Variants in SUFU observed in about 807,000 individuals in gnomAD.
SUFU encodes the protein SUFU negative regulator of hedgehog signaling.
A neutral mutation model predicts 58.9 loss-of-function variants in SUFU; 7 were observed. That is an observed-to-expected ratio of 0.12 (90% CI 0.07 to 0.22). SUFU has a LOEUF of 0.22. SUFU is among the 10% of genes least tolerant of loss of function. SUFU has a pLI of 1.00. For synonymous variants in SUFU, 232 were observed against 254.8 expected (o/e 0.91, Z 0.85); for missense variants, 451 against 641.3 (o/e 0.70, Z 3.20).
chr10:102,554,169 G>A lies in SUFU; in HGVS notation c.454+4063G>A, dbSNP rs192274636. Among the ~76,000 whole-genome samples, 5 of 152,224 alleles carry A rather than the reference G, an allele frequency of 3.3e-5. No homozygotes were observed. In the East Asian group the frequency reaches 5.8e-4, roughly 18 times the overall value. ...TGTAATCCCAGCACTCTGGGAGGCC[G>A]AGGTGGTTGGATCACCTGAGGTCAG... On this transcript the variant is annotated intron_variant, in intron 3 of 11. Coordinates refer to ENST00000369902, the MANE Select transcript of SUFU (RefSeq NM_016169.4).
chr10:102,556,749 A>AAGGAAGGGAGGG (rs1564679454), intron 3 of SUFU, among the ~76,000 whole-genome samples: 1 of 59,764 alleles, frequency 1.7e-5, no homozygotes, highest in Non-Finnish European at 3.2e-5. Context: ...AAAAAAAAAA[A>AAGGAAGGGAGGG]AGGAAGGGAG....
chr10:102,597,238 C>T lies in SUFU; in HGVS notation c.855C>T (p.Asp285=), dbSNP rs200206997. The change falls in exon 7 of 12, where the codon GAC becomes GAT. Residue 285 remains aspartate (D), a synonymous_variant. Coordinates refer to ENST00000369902, the MANE Select transcript of SUFU (RefSeq NM_016169.4). ...WDDLSRPPED[D]EDSRSICIGT... is the part of the protein sequence containing the mutation. ...ACCTGAGCCGGCCCCCCGAGGATGACGAGGACAGCCGGAGCATCTGCATCG... is the reference window on the plus strand; with the variant it reads ...ACCTGAGCCGGCCCCCCGAGGATGATGAGGACAGCCGGAGCATCTGCATCG... 2.3e-5 allele frequency: 37 copies of T among 1,613,994 alleles called. No individual in the cohort carries two copies. Among genetic ancestry groups the T allele is most frequent in the Admixed American group, 1.5e-4 (9 of 60,004 alleles).
At chr10:102,589,167 A>G (rs1246816626) in intron 3 of SUFU, among the ~76,000 whole-genome samples, 1 of 152,086 alleles carries the variant, frequency 6.6e-6, no homozygotes, top group Non-Finnish European at 1.5e-5. Context: ...GGCTCAAGCA[A>G]TCCTCCTACC....
At chr10:102,513,499 C>A (rs936422323) in intron 2 of SUFU, among the ~76,000 whole-genome samples, 9 of 152,206 alleles carry the variant, frequency 5.9e-5, no homozygotes, top group African/African-American at 2.2e-4. Flanking sequence ...AGACATAATT[C>A]TTGTCTGAAG....
At chr10:102,599,309 T>C (rs993316513) in intron 7 of SUFU, 124 bp from the exon 8 acceptor site, 29 of 779,270 alleles carry the variant, frequency 3.7e-5, no homozygotes, top group Non-Finnish European at 6.2e-5. Context: ...ATGCGTAGAG[T>C]GGGCTCAGGA....
intron 3 of SUFU, among the ~76,000 whole-genome samples, chr10:102,566,080 G>A (rs1373944761): frequency 2.0e-5 from 3 of 152,190 alleles, no homozygotes; most frequent in Non-Finnish European, 4.4e-5. Context: ...TCTGCAGGAG[G>A]TAAAGCACTT....
chr10:102,526,652 A>G (rs2062611710), intron 2 of SUFU, among the ~76,000 whole-genome samples: 1 of 152,192 alleles, frequency 6.6e-6, no homozygotes, highest in South Asian at 2.1e-4. Context: ...GTTAGCAGTA[A>G]TCAGTGATGG....
chr10:102,585,033 TG>T (rs1433902965), intron 3 of SUFU, among the ~76,000 whole-genome samples: 1 of 152,272 alleles, frequency 6.6e-6, no homozygotes, highest in Non-Finnish European at 1.5e-5. Flanking sequence ...CAGGCTGCTG[TG>T]CCTGGGGTGG....
Position 102,629,983 on chromosome 10 carries a change from A to G in SUFU, c.1366-83A>G, listed in dbSNP as rs2063823198. 1 of 1,287,338 alleles carries G rather than the reference A, an allele frequency of 7.8e-7. No individual in the cohort carries two copies. The highest frequency in any genetic ancestry group is 1.1e-6 in the Non-Finnish European group (1 of 882,266). 79.7% of individuals were successfully genotyped at this position (1,287,338 alleles called of 1,614,324 possible). A position where few individuals can be genotyped will look rare whatever the true frequency, so the allele number is the denominator to read the frequency against. ...CTGTCCTATCCCTAGCTCCCCGGGG[A>G]CAGGCCTGGGCAATCTCTGGAAAGA... On this transcript the variant is annotated intron_variant, in intron 11 of 11. Transcript: ENST00000369902. The surrounding 1 kb of genome is among the most constrained non-coding windows in gnomAD (Gnocchi z 4.7).
chr10:102,581,390 A>ACAAAAACT (rs2063278204), intron 3 of SUFU, among the ~76,000 whole-genome samples: 1 of 152,092 alleles, frequency 6.6e-6, no homozygotes, highest in Non-Finnish European at 1.5e-5. Context: ...GTTTTGTTCA[A>ACAAAAACT]CAAAAACTCC....
At chr10:102,555,321 C>CTT (rs201258969) in intron 3 of SUFU, among the ~76,000 whole-genome samples, 7 of 124,064 alleles carry the variant, frequency 5.6e-5, no homozygotes, top group African/African-American at 2.0e-4. Flanking sequence ...ACACCTTGGT[C>CTT]TTTTTTTTTT....
At chr10:102,511,528 T>C (rs2062401071) in intron 2 of SUFU, among the ~76,000 whole-genome samples, 1 of 152,210 alleles carries the variant, frequency 6.6e-6, no homozygotes, top group South Asian at 2.1e-4. Flanking sequence ...TCCCTTTGTT[T>C]AGTACTTACT....
intron 1 of SUFU, among the ~76,000 whole-genome samples, chr10:102,506,771 GTTTC>G (rs1444355088): frequency 6.6e-6 from 1 of 152,192 alleles, no homozygotes; most frequent in African/African-American, 2.4e-5. Context: ...ATCCCACGAG[GTTTC>G]TAGCAGGATG....
At chr10:102,522,509 G>A (rs748109172) in intron 2 of SUFU, among the ~76,000 whole-genome samples, 1 of 152,156 alleles carries the variant, frequency 6.6e-6, no homozygotes, top group Non-Finnish European at 1.5e-5. Flanking sequence ...CAGGGTCCTT[G>A]TACTCGAGGG....
At position 102,619,351 on chromosome 10, in the gene SUFU, C is replaced by A; in HGVS notation, c.1296+1923C>A. The A allele has an allele frequency of 7.0e-7, 1 of 1,420,512 alleles. No individual in the cohort carries two copies. The highest frequency in any genetic ancestry group is 9.2e-7 in the Non-Finnish European group (1 of 1,089,814). The allele number at this position is 1,420,512 out of a possible 1,614,324, so 88.0% of individuals were successfully genotyped here. A position where few individuals can be genotyped will look rare whatever the true frequency, so the allele number is the denominator to read the frequency against. ...CCTGAGGCCCAGCACCCGCTGGCTC[C>A]CCAGCACATGGTCCCCTCCCATGGG... On this transcript the variant is annotated intron_variant, in intron 10 of 11. Transcript: ENST00000369902. This position sits in a 1 kb window ranked among gnomAD's most constrained non-coding sequence, Gnocchi z 4.2.
rs986710864 is a variant in SUFU, at chr10:102,625,962, TCTC to T, written c.1297-1206_1297-1204del. ...GTGGGTATTTTTTCAAGTTCTCAATTCTCCTCCTCACAGGGAGGGTTTCCCCTC... is the reference window on the plus strand; with the variant it reads ...GTGGGTATTTTTTCAAGTTCTCAATTCTCCTCACAGGGAGGGTTTCCCCTC... On this transcript the variant is annotated intron_variant, in intron 10 of 11. Coordinates refer to ENST00000369902, the MANE Select transcript of SUFU (RefSeq NM_016169.4). This position sits in a 1 kb window ranked among gnomAD's most constrained non-coding sequence, Gnocchi z 4.7. Among the ~76,000 whole-genome samples the T allele has an allele frequency of 2.0e-4, 30 of 152,170 alleles. No individual in the cohort carries two copies. The highest frequency in any genetic ancestry group is 7.0e-4 in the African/African-American group (29 of 41,426).
chr10:102,580,847 T>C (rs996718558), intron 3 of SUFU, among the ~76,000 whole-genome samples: 5 of 152,030 alleles, frequency 3.3e-5, no homozygotes, highest in African/African-American at 9.7e-5. Flanking sequence ...TTTCTGGCAA[T>C]AGACTAGGCA....
chr10:102,570,925 A>T (rs1202601075), intron 3 of SUFU, among the ~76,000 whole-genome samples: 1 of 152,170 alleles, frequency 6.6e-6, no homozygotes, highest in Non-Finnish European at 1.5e-5. Context: ...GCAACTGTTT[A>T]ATTTGTACAG....
At chr10:102,571,979 C>G (rs2063166439) in intron 3 of SUFU, among the ~76,000 whole-genome samples, 1 of 152,182 alleles carries the variant, frequency 6.6e-6, no homozygotes, top group Non-Finnish European at 1.5e-5. Context: ...TTCTTTAAAG[C>G]AGCAATGGAG....
Sources: allele counts gnomAD v4.1 joint callset (sites outside exome capture counted in the v4.1 genomes callset), GRCh38; gene constraint gnomAD v4.1.1; non-coding constraint Gnocchi (gnomAD v3.1); transcripts MANE v1.5; gene names NCBI Gene and HGNC (gene_info 2026-07-23, HGNC 2026-07-21).